Variants in SLC5A10 observed in about 807,000 individuals in gnomAD.
The protein encoded by SLC5A10 is sodium/mannose cotransporter SLC5A10.
Under a neutral mutation model 68.9 loss-of-function variants are expected in SLC5A10, and 55 were observed. The observed-to-expected ratio is 0.80, with a 90% confidence interval of 0.64 to 1.00. The LOEUF (loss-of-function observed/expected upper bound fraction) is 1.00. SLC5A10 is among the 50% of genes least tolerant of loss of function. The pLI is 0.00. For missense variants in SLC5A10, 732 were observed against 819.3 expected (o/e 0.89, Z 1.30); for synonymous variants, 344 against 344.8 (o/e 1.00, Z 0.02).
At position 19,019,863 on chromosome 17, in the gene SLC5A10, T is replaced by G. The variant is rs372303572; in HGVS notation, c.1561T>G (p.Phe521Val). ...CTACCTGCACTTCGCTGTCGCCCTC[T>G]TTGCACTCAGTGGTGCTGTTGTGGT... ...IHYLHFAVAL[F>V]ALSGAVVVAG... is the part of the protein sequence containing the mutation. The change falls in exon 13 of 15, where the codon TTT becomes GTT. Residue 521 changes from phenylalanine (F) to valine (V), a missense_variant. Coordinates refer to ENST00000395645, the MANE Select transcript of SLC5A10 (RefSeq NM_001042450.4). 1.4e-5 allele frequency: 22 copies of G among 1,613,178 alleles called. No individual in the cohort carries two copies. The highest frequency in any genetic ancestry group is 4.0e-5 in the African/African-American group (3 of 74,908).
rs189167664 is a variant in SLC5A10, at chr17:19,002,684, C to T, written c.983-10726C>T. Among the ~76,000 whole-genome samples the T allele has an allele frequency of 6.9e-4, 105 of 152,326 alleles. 1 individual carries two copies. Among genetic ancestry groups the T allele is most frequent in the Middle Eastern group, 3.4e-3 (1 of 294 alleles). On this transcript the variant is annotated intron_variant, in intron 9 of 14. Coordinates refer to ENST00000395645, the MANE Select transcript of SLC5A10 (RefSeq NM_001042450.4). ...TACTTACGTGCAGCAGGCATTAGCA[C>T]CTGCTCATGGTCACAACTGTCCAGC...
chr17:19,020,115 AT>A, intron 13 of SLC5A10, 39 bp from the exon 14 acceptor site: 2 of 272,732 alleles, frequency 7.3e-6, no homozygotes, highest in Non-Finnish European at 6.6e-6. Context: ...CCACCCTGCC[AT>A]CCCCCACCCC....
chr17:18,999,147 G>A (rs567159610), intron 9 of SLC5A10, among the ~76,000 whole-genome samples: 6 of 152,240 alleles, frequency 3.9e-5, no homozygotes, highest in Admixed American at 1.3e-4. Context: ...GCGTGGTGGC[G>A]CACACCTGTA....
At chr17:18,956,465 G>GTTTTTTT (rs750867503) in intron 1 of SLC5A10, among the ~76,000 whole-genome samples, 48 of 97,990 alleles carry the variant, frequency 4.9e-4, no homozygotes, top group Non-Finnish European at 6.7e-4. Flanking sequence ...TTTTCTTTCT[G>GTTTTTTT]TTTTTTTTTT....
intron 9 of SLC5A10, among the ~76,000 whole-genome samples, chr17:18,989,041 T>C (rs2043343217): frequency 6.6e-6 from 1 of 152,202 alleles, no homozygotes; most frequent in Non-Finnish European, 1.5e-5. Flanking sequence ...CTGTCAGGCT[T>C]CTCTCACACC....
At chr17:18,993,205 C>T (rs995444345) in intron 9 of SLC5A10, among the ~76,000 whole-genome samples, 4 of 152,138 alleles carry the variant, frequency 2.6e-5, no homozygotes, top group African/African-American at 7.2e-5. Context: ...TCCCTCTCCC[C>T]GACGCGTCCT....
chr17:18,956,476 T>G (rs530744612), intron 1 of SLC5A10, among the ~76,000 whole-genome samples: 1 of 145,130 alleles, frequency 6.9e-6, no homozygotes, highest in East Asian at 2.0e-4. Flanking sequence ...TTTTTTTTTT[T>G]TTTTTTTTTT....
rs917453627 is a variant in SLC5A10, at chr17:19,000,504, G to A, written c.983-12906G>A. ...ATTCTAGTCATTTGGGAACAGGGGG[G>A]ACTGACAGCAGTCCTGACAGGAACA... is the stretch of plus-strand genomic sequence containing the variant. On this transcript the variant is annotated intron_variant, in intron 9 of 14. Transcript: ENST00000395645. This position sits in a 1 kb window ranked among gnomAD's most constrained non-coding sequence, Gnocchi z 5.2. Among the ~76,000 whole-genome samples, 1 of 152,172 alleles carries A rather than the reference G, an allele frequency of 6.6e-6. No individual in the cohort carries two copies. Among genetic ancestry groups the A allele is most frequent in the South Asian group, 2.1e-4 (1 of 4,830 alleles).
intron 1 of SLC5A10, 45 bp from the exon 2 acceptor site, chr17:18,958,637 G>C: frequency 6.3e-7 from 1 of 1,580,440 alleles, no homozygotes; most frequent in Non-Finnish European, 8.7e-7. Flanking sequence ...CTTCCCAGCA[G>C]CAGTGTGCGG....
At chr17:19,016,759 T>C (rs2044149252) in intron 11 of SLC5A10, among the ~76,000 whole-genome samples, 1 of 152,078 alleles carries the variant, frequency 6.6e-6, no homozygotes, top group Non-Finnish European at 1.5e-5. Context: ...CTTCTCCCCC[T>C]CTGGCTCCCC....
At chr17:18,962,521 C>T (rs528231532) in intron 5 of SLC5A10, among the ~76,000 whole-genome samples, 1 of 152,244 alleles carries the variant, frequency 6.6e-6, no homozygotes, top group Non-Finnish European at 1.5e-5. Context: ...ACACAACAGG[C>T]CCGTGTGCCA....
At chr17:19,013,297 CAG>C in intron 9 of SLC5A10, 111 bp from the exon 10 acceptor site, 2 of 1,526,550 alleles carry the variant, frequency 1.3e-6, no homozygotes, top group Non-Finnish European at 1.8e-6. Context: ...GGTAACAGGT[CAG>C]AGGCATTGAT....
At chr17:19,010,643 C>G (rs1319609780) in intron 9 of SLC5A10, among the ~76,000 whole-genome samples, 1 of 101,168 alleles carries the variant, frequency 9.9e-6, no homozygotes, top group Non-Finnish European at 2.6e-5. Flanking sequence ...TCTCCTGACT[C>G]GGGCTTTCTG....
At chr17:18,956,731 C>T (rs1159532034) in intron 1 of SLC5A10, among the ~76,000 whole-genome samples, 1 of 152,136 alleles carries the variant, frequency 6.6e-6, no homozygotes, top group Non-Finnish European at 1.5e-5. Context: ...CTTCCTTGGC[C>T]TCCCAAAGTG....
At chr17:18,979,138 G>A (rs775142903) in intron 9 of SLC5A10, 151 of 520,664 alleles carry the variant, frequency 2.9e-4, no homozygotes, top group Non-Finnish European at 4.6e-4. Flanking sequence ...GACACTGTGG[G>A]GGGTTCTGCA....
intron 1 of SLC5A10, among the ~76,000 whole-genome samples, chr17:18,958,268 C>T (rs976813062): frequency 6.6e-6 from 1 of 152,088 alleles, no homozygotes; most frequent in Admixed American, 6.6e-5. Context: ...ACTATGTTGC[C>T]AGTCTGGTCT....
rs549727935 is a variant in SLC5A10 at position 18,982,859 on chromosome 17, C to A, written c.982+5870C>A. Among the ~76,000 whole-genome samples, 6 of 152,362 alleles carry A rather than the reference C, an allele frequency of 3.9e-5. No individual in the cohort carries two copies. In the East Asian group the frequency reaches 7.7e-4, roughly 20 times the overall value. On this transcript the variant is annotated intron_variant, in intron 9 of 14. Transcript: ENST00000395645. ...AATCCTAGCACCAAATGGACGCCAA[C>A]CAAGGCCTTTCTTTCCACGCCTCAG...
intron 10 of SLC5A10, among the ~76,000 whole-genome samples, chr17:19,014,235 C>T (rs2044082275): frequency 1.3e-5 from 2 of 152,184 alleles, no homozygotes; most frequent in South Asian, 2.1e-4. Context: ...TTGAACTCAT[C>T]CCCAGAGAGG....
At position 18,976,762 on chromosome 17, in the gene SLC5A10, C is replaced by T. The variant is rs2042989669; in HGVS notation, c.847-92C>T. 2.0e-6 allele frequency: 3 copies of T among 1,521,804 alleles called. No individual in the cohort carries two copies. In the Admixed American group the frequency reaches 5.4e-5, roughly 27 times the overall value. 94.3% of individuals were successfully genotyped at this position (1,521,804 alleles called of 1,614,324 possible). Reference sequence around the variant, plus strand: ...AGAGGCTAATGGGACATCATCGTGCCTCATGCCCATTCCCTGAGGCCCACC... The same window carrying T: ...AGAGGCTAATGGGACATCATCGTGCTTCATGCCCATTCCCTGAGGCCCACC... On this transcript the variant is annotated intron_variant, in intron 8 of 14. Transcript: ENST00000395645.
Sources: gnomAD v4.1 joint callset for allele counts (sites outside exome capture counted in the v4.1 genomes callset) on GRCh38, gnomAD v4.1.1 for gene constraint, Gnocchi (gnomAD v3.1) non-coding constraint, MANE v1.5 for transcripts, NCBI Gene and HGNC (gene_info 2026-07-23, HGNC 2026-07-21) for gene names.